Variants in PCDH15 observed in about 807,000 individuals in gnomAD.
PCDH15 encodes protocadherin related 15, also known as protocadherin-15.
In PCDH15, 129 loss-of-function variants were observed where a neutral mutation model predicts 178.5. That is an observed-to-expected ratio of 0.72 (90% CI 0.63 to 0.84). The LOEUF is 0.84. Among genes scored for constraint, PCDH15 ranks in the 40% least tolerant of loss-of-function variants. The pLI, the probability that PCDH15 is intolerant of heterozygous loss-of-function variation, is 0.00. For missense variants in PCDH15, 2,230 were observed against 2,099.9 expected, an observed-to-expected ratio of 1.06 and a Z score of -1.21; for synonymous variants, 800 against 732.0, an observed-to-expected ratio of 1.09 and a Z score of -1.50.
At chr10:53,914,715 T>A (rs1246746455) in intron 25 of PCDH15, among the ~76,000 whole-genome samples, 1 of 152,130 alleles carries the variant, frequency 6.6e-6, no homozygotes, top group Non-Finnish European at 1.5e-5. Context: ...TATACCTATG[T>A]AACAAACATG....
chr10:53,828,694 C>A, intron 30 of PCDH15, 121 bp from the exon 31 acceptor site: 2 of 869,752 alleles, frequency 2.3e-6, no homozygotes, highest in South Asian at 1.5e-5. Context: ...TTCATAATGA[C>A]AGAGTTAATG....
intron 2 of PCDH15, among the ~76,000 whole-genome samples, chr10:55,457,189 C>A (rs769134278): frequency 6.6e-6 from 1 of 151,982 alleles, no homozygotes; most frequent in Non-Finnish European, 1.5e-5. Flanking sequence ...AAAGTAATTA[C>A]AGAAAACTGA....
chr10:54,380,729 T>TATATATATATATACAC (rs1949125852), intron 3 of PCDH15, among the ~76,000 whole-genome samples: 1 of 115,074 alleles, frequency 8.7e-6, no homozygotes, highest in African/African-American at 3.7e-5. Flanking sequence ...TATATATATA[T>TATATATATATATACAC]ATATATATAT....
intron 2 of PCDH15, among the ~76,000 whole-genome samples, chr10:55,116,031 C>A (rs373910714): frequency 6.6e-6 from 1 of 152,086 alleles, no homozygotes; most frequent in Non-Finnish European, 1.5e-5. Flanking sequence ...TATAATACCC[C>A]GACCTTTACC....
At chr10:54,271,994 A>G (rs1161148718) in intron 8 of PCDH15, among the ~76,000 whole-genome samples, 1 of 146,276 alleles carries the variant, frequency 6.8e-6, no homozygotes, top group East Asian at 2.0e-4. Flanking sequence ...TAACATATAT[A>G]TGATATATAT....
At chr10:55,319,149 G>C (rs1843816790) in intron 1 of PCDH15, among the ~76,000 whole-genome samples, 1 of 151,932 alleles carries the variant, frequency 6.6e-6, no homozygotes, top group African/African-American at 2.4e-5. Flanking sequence ...ACAGTTCTAA[G>C]AAAAAGGAGC....
chr10:54,447,737 A>G (rs1231248), intron 3 of PCDH15, among the ~76,000 whole-genome samples: 99,023 of 151,534 alleles, frequency 0.65, 33,186 homozygotes, highest in Admixed American at 0.76. Flanking sequence ...CATAAAAGAC[A>G]AAGATAATAT....
chr10:55,325,057 C>CA (rs989757522), intron 2 of PCDH15, among the ~76,000 whole-genome samples: 1 of 151,802 alleles, frequency 6.6e-6, no homozygotes, highest in African/African-American at 2.4e-5. Context: ...AAACATTACT[C>CA]AAAAAAATAG....
intron 2 of PCDH15, among the ~76,000 whole-genome samples, chr10:55,017,093 A>C (rs897260845): frequency 1.3e-5 from 2 of 152,242 alleles, no homozygotes; most frequent in South Asian, 2.1e-4. Context: ...AGAGACCCCA[A>C]CTTTACTTTC....
chr10:54,327,189 T>C (rs935306875), intron 7 of PCDH15, among the ~76,000 whole-genome samples: 4 of 73,970 alleles, frequency 5.4e-5, no homozygotes, highest in African/African-American at 2.2e-4. Flanking sequence ...TTTAATTGCA[T>C]GATAAAAAAA....
At chr10:54,627,115 G>A (rs542447365) in intron 2 of PCDH15, among the ~76,000 whole-genome samples, 3 of 152,314 alleles carry the variant, frequency 2.0e-5, no homozygotes, top group African/African-American at 4.8e-5. Flanking sequence ...TATCTAGGAA[G>A]TAAGTAACTT....
intron 2 of PCDH15, among the ~76,000 whole-genome samples, chr10:55,163,693 T>C (rs1397605942): frequency 6.6e-6 from 1 of 152,130 alleles, no homozygotes; most frequent in Non-Finnish European, 1.5e-5. Context: ...GTAGTCATTA[T>C]TCACTAATTA....
At chr10:55,513,867 T>C (rs1355107505) in intron 2 of PCDH15, among the ~76,000 whole-genome samples, 1 of 152,022 alleles carries the variant, frequency 6.6e-6, no homozygotes, top group Non-Finnish European at 1.5e-5. Flanking sequence ...CCTAATCTTC[T>C]ACTTCAATTA....
chr10:54,151,554 A>T (rs1036620306), intron 14 of PCDH15, among the ~76,000 whole-genome samples: 4 of 152,140 alleles, frequency 2.6e-5, no homozygotes, highest in Admixed American at 1.3e-4. Context: ...GAAAAAATGT[A>T]AAAGAAAAAA....
chr10:55,169,394 T>A (rs965812210), intron 1 of PCDH15, among the ~76,000 whole-genome samples: 1 of 152,212 alleles, frequency 6.6e-6, no homozygotes, highest in South Asian at 2.1e-4. Context: ...TTAATCTCTA[T>A]GTTGTAGTAA....
At chr10:55,552,129 A>G (rs1333805500) in intron 2 of PCDH15, among the ~76,000 whole-genome samples, 2 of 151,758 alleles carry the variant, frequency 1.3e-5, no homozygotes. Flanking sequence ...TATTCAAGGA[A>G]GGCTTAAATG....
chr10:54,829,786 A>G (rs973636505), intron 3 of PCDH15, among the ~76,000 whole-genome samples: 7 of 151,996 alleles, frequency 4.6e-5, no homozygotes, highest in Non-Finnish European at 1.5e-5. Context: ...ATTATGAATA[A>G]CCCCTGCTTT....
intron 1 of PCDH15, among the ~76,000 whole-genome samples, chr10:54,796,839 G>A (rs1220877329): frequency 6.6e-6 from 1 of 151,976 alleles, no homozygotes; most frequent in African/African-American, 2.4e-5. Context: ...CTCTCATCCA[G>A]TTTTAATGAC....
chr10:54,337,673 C>G (rs1454817740), intron 6 of PCDH15, among the ~76,000 whole-genome samples: 1 of 152,098 alleles, frequency 6.6e-6, no homozygotes, highest in African/African-American at 2.4e-5. Context: ...TAGCACTAGC[C>G]CTTTGAAAGA....
Sources: gnomAD v4.1 joint callset for allele counts (sites outside exome capture counted in the v4.1 genomes callset) on GRCh38, gnomAD v4.1.1 for gene constraint, MANE v1.5 for transcripts, NCBI Gene and HGNC (gene_info 2026-07-23, HGNC 2026-07-21) for gene names.